Variants in CEP295 observed in about 807,000 individuals in gnomAD.
CEP295 encodes centrosomal protein 295, also known as centrosomal protein of 295 kDa.
Under a neutral mutation model 291.6 loss-of-function variants are expected in CEP295, and 190 were observed. The observed-to-expected ratio is 0.65, with a 90% CI of 0.58 to 0.73. The LOEUF (loss-of-function observed/expected upper bound fraction) is 0.73. Ranked by LOEUF, CEP295 falls within the 30% of genes least tolerant of loss-of-function variation. CEP295 has a pLI of 0.00. For missense variants in CEP295, 2,863 were observed against 2,949.4 expected (o/e 0.97, Z 0.68); for synonymous variants, 993 against 1,038.8 (o/e 0.96, Z 0.85).
intron 12 of CEP295, among the ~76,000 whole-genome samples, chr11:93,694,307 C>G (rs1247414042): frequency 3.3e-5 from 5 of 152,146 alleles, no homozygotes; most frequent in Admixed American, 1.3e-4. Context: ...TCCAGGACCC[C>G]TAGTGGATGC....
In CEP295 at chr11:93,702,480, A is replaced by T; in HGVS notation, c.5295A>T (p.Glu1765Asp). Residue 1765 changes from glutamate (E) to aspartate (D), a missense_variant, in exon 16 of 30, where the codon GAA becomes GAT. Physicochemically the swap from Glu to Asp is conservative, Grantham distance 45. Transcript: ENST00000325212. Reference protein sequence around the residue: ...KDSQISKPTVENDLKTQKMGQ... With the variant: ...KDSQISKPTVDNDLKTQKMGQ... ...TTCAGATAAGTAAGCCCACAGTTGAAAATGATTTAAAAACCCAGAAGATGG... is the reference window on the plus strand; with the variant it reads ...TTCAGATAAGTAAGCCCACAGTTGATAATGATTTAAAAACCCAGAAGATGG... 6.5e-7 allele frequency: 1 copy of T among 1,538,208 alleles called. No homozygotes were observed. The highest frequency in any genetic ancestry group is 8.8e-7 in the Non-Finnish European group (1 of 1,142,826).
intron 3 of CEP295, 36 bp from the exon 4 acceptor site, chr11:93,668,772 G>A (rs1396676686): frequency 7.1e-7 from 1 of 1,411,266 alleles, no homozygotes; most frequent in Admixed American, 2.7e-5. Flanking sequence ...TATTATTCTT[G>A]TTTAACATGA....
chr11:93,729,100 A>C (rs758799407), intron 25 of CEP295: 2 of 493,638 alleles, frequency 4.1e-6, no homozygotes, highest in South Asian at 6.5e-5. Flanking sequence ...TTTTACCTAA[A>C]CTTATTCCCA....
Position 93,697,576 on chromosome 11 carries a change from C to T in CEP295, c.2664C>T (p.Phe888=), listed in dbSNP as rs1203828958. The change falls in exon 15 of 30, where the codon TTC becomes TTT. Residue 888 remains phenylalanine (F), a synonymous_variant. Transcript: ENST00000325212. ...AACAGCAAACGGGCCTCTCGGTATT[C>T]CTTCCCTTGGTAACTCCAGATTCAT... ...EVEQQTGLSV[F]LPLVTPDSSA... 1.3e-6 allele frequency: 2 copies of T among 1,551,724 alleles called. No homozygotes were observed. Among genetic ancestry groups the T allele is most frequent in the Non-Finnish European group, 1.7e-6 (2 of 1,146,980 alleles).
Position 93,725,776 on chromosome 11 carries a change from C to G in CEP295, c.6444C>G (p.Asp2148Glu). The G allele has an allele frequency of 6.4e-7, 1 of 1,551,680 alleles. No homozygotes were observed. Among genetic ancestry groups the G allele is most frequent in the Non-Finnish European group, 8.7e-7 (1 of 1,146,952 alleles). Residue 2148 changes from aspartate (D) to glutamate (E), a missense_variant, in exon 23 of 30, where the codon GAC becomes GAG. Asp to Glu is a conservative substitution (Grantham distance 45). Around this residue, in one of 3 missense-constraint regions of CEP295, gnomAD observed 2,295 missense variants for 2,335.7 expected, o/e 0.98. Coordinates refer to ENST00000325212, the MANE Select transcript of CEP295 (RefSeq NM_033395.2). ...SLNTSPNQQP[D>E]TNLAHVGAHS... ...ACACAAGTCCGAATCAACAACCTGA[C>G]ACTAACTTGGCTCATGTTGGAGCTC... is the stretch of plus-strand genomic sequence containing the variant.
chr11:93,668,095 C>G (rs1178058469), intron 3 of CEP295, among the ~76,000 whole-genome samples: 1 of 152,084 alleles, frequency 6.6e-6, no homozygotes, highest in Non-Finnish European at 1.5e-5. Flanking sequence ...TCTTCTGAAT[C>G]AGAAGTTGTT....
chr11:93,713,814 A>G (rs1323846077), intron 18 of CEP295, among the ~76,000 whole-genome samples: 1 of 151,936 alleles, frequency 6.6e-6, no homozygotes, highest in Non-Finnish European at 1.5e-5. Flanking sequence ...TTTTAAAGCT[A>G]TTTTCTAGAT....
intron 5 of CEP295, among the ~76,000 whole-genome samples, chr11:93,674,608 A>C (rs1007897101): frequency 6.6e-6 from 1 of 152,248 alleles, no homozygotes; most frequent in African/African-American, 2.4e-5. Flanking sequence ...CAATGATCAT[A>C]TGGTATAGCG....
intron 12 of CEP295, among the ~76,000 whole-genome samples, chr11:93,695,063 C>T (rs913620098): frequency 6.6e-6 from 1 of 152,180 alleles, no homozygotes; most frequent in African/African-American, 2.4e-5. Flanking sequence ...ATAACTATCC[C>T]TCTTAATGAG....
chr11:93,698,010 A>G lies in CEP295; in HGVS notation c.3098A>G (p.Gln1033Arg). The G allele has an allele frequency of 1.3e-6, 2 of 1,551,746 alleles. No individual in the cohort carries two copies. The highest frequency in any genetic ancestry group is 8.7e-7 in the Non-Finnish European group (1 of 1,146,976). Residue 1033 changes from glutamine to arginine, a missense_variant, in exon 15 of 30, where the codon CAA (glutamine) becomes CGA (arginine). This residue lies in a region of CEP295 where 2,295 missense variants were observed against 2,335.7 expected (regional missense o/e 0.98). Coordinates refer to ENST00000325212, the MANE Select transcript of CEP295 (RefSeq NM_033395.2). ...SKSEKGLVSC[Q>R]SDIPISQDGS... Reference sequence around the variant, plus strand: ...AGCGAGAAAGGACTTGTTTCATGCCAATCTGACATCCCCATATCTCAGGAT... The same window carrying G: ...AGCGAGAAAGGACTTGTTTCATGCCGATCTGACATCCCCATATCTCAGGAT...
intron 12 of CEP295, 49 bp downstream of exon 12, chr11:93,692,079 T>C (rs2135048990): frequency 7.8e-6 from 8 of 1,028,336 alleles, no homozygotes; most frequent in South Asian, 3.0e-5. Context: ...CTAGGTACTA[T>C]TATATAATTT....
At chr11:93,694,888 A>G (rs1483284950) in intron 12 of CEP295, among the ~76,000 whole-genome samples, 1 of 152,212 alleles carries the variant, frequency 6.6e-6, no homozygotes, top group African/African-American at 2.4e-5. Context: ...TGGATTTGGC[A>G]GGCTAGTTTT....
intron 18 of CEP295, 26 bp from the exon 19 acceptor site, chr11:93,721,286 C>G: frequency 7.2e-7 from 1 of 1,394,642 alleles, no homozygotes; most frequent in East Asian, 2.5e-5. Flanking sequence ...TTTCTCCCAT[C>G]TTGAACTCCA....
At position 93,725,820 on chromosome 11, in the gene CEP295, A is replaced by G. The variant is rs1256944645; in HGVS notation, c.6488A>G (p.Asn2163Ser). 3.9e-6 allele frequency: 6 copies of G among 1,550,606 alleles called. No individual in the cohort carries two copies. The highest frequency in any genetic ancestry group is 5.2e-6 in the Non-Finnish European group (6 of 1,146,728). Residue 2163 changes from asparagine to serine, a missense_variant, in exon 23 of 30, where the codon AAT becomes AGT. Around this residue, in one of 3 missense-constraint regions of CEP295, gnomAD observed 2,295 missense variants for 2,335.7 expected, o/e 0.98. Coordinates refer to ENST00000325212, the MANE Select transcript of CEP295 (RefSeq NM_033395.2). ...GGAGCTCACAGTTTTGCTACAGAAA[A>G]TATTATTGGGGGTATGTATGACTAA... ...HVGAHSFATENIIGGSEQCFE... is the reference protein window; with the variant it reads ...HVGAHSFATESIIGGSEQCFE...
intron 9 of CEP295, 132 bp downstream of exon 9, chr11:93,684,260 A>G (rs946973656): frequency 3.1e-6 from 2 of 642,768 alleles, no homozygotes; most frequent in Non-Finnish European, 5.2e-6. Context: ...AGCAGTAGCT[A>G]AAGGATACAA....
chr11:93,682,591 G>T, intron 7 of CEP295, among the ~76,000 whole-genome samples: 1 of 131,104 alleles, frequency 7.6e-6, no homozygotes, highest in African/African-American at 2.6e-5. Flanking sequence ...ATATAAGAAG[G>T]TTGTTAAAAA....
rs923349194 is a variant in CEP295 at position 93,680,956 on chromosome 11, A to C, written c.765+1404A>C. Among the ~76,000 whole-genome samples the C allele has an allele frequency of 4.6e-5, 7 of 152,338 alleles. 1 individual carries two copies. The highest frequency in any genetic ancestry group is 1.7e-4 in the African/African-American group (7 of 41,592). ...GAACTAAATCATGAGCTTCTCCCTTAAATTTTTAGCTTTCATAAACTAGGA... is the reference window on the plus strand; with the variant it reads ...GAACTAAATCATGAGCTTCTCCCTTCAATTTTTAGCTTTCATAAACTAGGA... On this transcript the variant is annotated intron_variant, in intron 7 of 29. Coordinates refer to ENST00000325212, the MANE Select transcript of CEP295 (RefSeq NM_033395.2).
rs1282065048 is a variant in CEP295, at chr11:93,697,938, C to A, written c.3026C>A (p.Ser1009Tyr). 1 of 1,551,716 alleles carries A rather than the reference C, an allele frequency of 6.4e-7. No individual in the cohort carries two copies. The highest frequency in any genetic ancestry group is 2.4e-5 in the East Asian group (1 of 40,924). The change falls in exon 15 of 30, where the codon TCT (serine) becomes TAT (tyrosine). Residue 1009 changes from serine to tyrosine, a missense_variant. Ser to Tyr is a moderately radical substitution (Grantham distance 144). Transcript: ENST00000325212. Reference sequence around the variant, plus strand: ...CAGCATACATTTACTTCACTACCATCTGCTGATACAAAATCTGGAAAAATA... The same window carrying A: ...CAGCATACATTTACTTCACTACCATATGCTGATACAAAATCTGGAAAAATA... ...VAQHTFTSLPSADTKSGKIQE... is the reference protein window; with the variant it reads ...VAQHTFTSLPYADTKSGKIQE...
rs375895213 is a variant in CEP295 at position 93,670,784 on chromosome 11, T to C, written c.528+1014T>C. ...TTTTGATTATTTTTGTCTTAATTCT[T>C]AGTATTTATAACAAGCCAAAGTCAA... On this transcript the variant is annotated intron_variant, in intron 5 of 29. Coordinates refer to ENST00000325212, the MANE Select transcript of CEP295 (RefSeq NM_033395.2). Among the ~76,000 whole-genome samples, 13 of 152,202 alleles carry C rather than the reference T, an allele frequency of 8.5e-5. No individual in the cohort carries two copies. The East Asian group carries it at 2.5e-3, about 29-fold the overall frequency.
Sources: allele counts gnomAD v4.1 joint callset (sites outside exome capture counted in the v4.1 genomes callset), GRCh38; gene constraint gnomAD v4.1.1; regional missense constraint gnomAD v4.1.1; transcripts MANE v1.5; gene names NCBI Gene and HGNC (gene_info 2026-07-23, HGNC 2026-07-21).